Variants in GRIP2 observed in about 807,000 individuals in gnomAD.
GRIP2 encodes the protein glutamate receptor-interacting protein 2.
In GRIP2, 58 loss-of-function variants were observed where a neutral mutation model predicts 108.3. That is an observed-to-expected ratio of 0.54 (90% CI 0.43 to 0.67). GRIP2 has a LOEUF of 0.67. Among genes scored for constraint, GRIP2 ranks in the 30% least tolerant of loss-of-function variants. The pLI is 0.00. For synonymous variants in GRIP2, 586 were observed against 598.2 expected (o/e 0.98, Z 0.30); for missense variants, 1,278 against 1,430.6 (o/e 0.89, Z 1.72).
At chr3:14,541,778 G>A (rs1242075989), upstream of GRIP2, 1 of 837,334 alleles carries the variant, frequency 1.2e-6, no homozygotes, top group Admixed American at 2.4e-5. Context: ...TCAGCCACAG[G>A]GTGGGTGGTG....
the GRIP2 span, among the ~76,000 whole-genome samples, chr3:14,599,505 T>C: frequency 2.8e-3 from 418 of 151,954 alleles, 2 homozygotes; most frequent in African/African-American, 8.6e-3. Context: ...ATCTGAGGGA[T>C]TGGGGGCAAC....
intron 20 of GRIP2, chr3:14,503,967 CAG>C (rs1693844708): frequency 2.3e-6 from 1 of 431,926 alleles, no homozygotes; most frequent in Middle Eastern, 6.5e-4. Context: ...GGAAGAGAGA[CAG>C]AGGACAAACA....
chr3:14,554,593 C>T, intron 1 of GRIP2, among the ~76,000 whole-genome samples: 1 of 152,114 alleles, frequency 6.6e-6, no homozygotes, highest in African/African-American at 2.4e-5. Context: ...GGATGTCAGG[C>T]CACCAGCTGC....
In GRIP2 at chr3:14,512,682, C is replaced by T; in HGVS notation, c.1720+95G>A. ...CTTTTCCTCGGGCCCCGCAGGGTGT[C>T]ACGCCATGGAAATGCTGGTCTGAGC... On this transcript the variant is annotated intron_variant, in intron 14 of 23. Transcript: ENST00000621039. The surrounding 1 kb of genome is among the most constrained non-coding windows in gnomAD (Gnocchi z 5.1). The T allele has an allele frequency of 8.1e-7, 1 of 1,230,190 alleles. No homozygotes were observed. Among genetic ancestry groups the T allele is most frequent in the Non-Finnish European group, 1.2e-6 (1 of 858,436 alleles). The allele number at this position is 1,230,190 out of a possible 1,614,324, so 76.2% of individuals were successfully genotyped here. A position where few individuals can be genotyped will look rare whatever the true frequency, so the allele number is the denominator to read the frequency against.
Position 14,525,404 on chromosome 3 carries a change from C to A in GRIP2, c.257+33G>T, listed in dbSNP as rs376575865. On this transcript the variant is annotated intron_variant, in intron 3 of 23. Coordinates refer to ENST00000621039, the MANE Select transcript of GRIP2 (RefSeq NM_001080423.4). ...GGCTCCCATCATTGCCTCTGCACCC[C>A]CCTCCTGCGGCCGTGCCAAGCCCAC... is the stretch of plus-strand genomic sequence containing the variant. 4.2e-5 allele frequency: 67 copies of A among 1,606,442 alleles called. No homozygotes were observed. In the Middle Eastern group the frequency reaches 4.9e-4, roughly 12 times the overall value.
At chr3:14,571,179 T>C in the GRIP2 span, among the ~76,000 whole-genome samples, 1 of 152,110 alleles carries the variant, frequency 6.6e-6, no homozygotes, top group Non-Finnish European at 1.5e-5. Flanking sequence ...TGAGAGAACG[T>C]GTCTAGGAGA....
chr3:14,585,705 A>G, the GRIP2 span, among the ~76,000 whole-genome samples: 1 of 151,796 alleles, frequency 6.6e-6, no homozygotes, highest in Admixed American at 6.6e-5. Context: ...GAATATACAC[A>G]GCTAGCTCAA....
chr3:14,600,938 C>T, the GRIP2 span, among the ~76,000 whole-genome samples: 1 of 152,096 alleles, frequency 6.6e-6, no homozygotes, highest in Non-Finnish European at 1.5e-5. Context: ...TGGGCAAAGC[C>T]ATTGTTGGTG....
rs146643514 is a variant in GRIP2, at chr3:14,495,617, G to A, written c.2824-628C>T. Among the ~76,000 whole-genome samples the A allele has an allele frequency of 5.5e-3, 842 of 152,192 alleles. 9 individuals are homozygous for A. The highest frequency in any genetic ancestry group is 0.019 in the African/African-American group (769 of 41,524). The stretch of plus-strand genomic sequence containing the variant: ...AGGCAGGGTTTCACCATGTTGGCCA[G>A]GATAGTTTTGATCTCTTGACCTCGT... On this transcript the variant is annotated intron_variant, in intron 22 of 23. Transcript: ENST00000621039.
chr3:14,545,452 G>A (rs903389929), upstream of GRIP2, among the ~76,000 whole-genome samples: 6 of 152,212 alleles, frequency 3.9e-5, no homozygotes, highest in African/African-American at 7.2e-5. Flanking sequence ...GCCAGCCAGC[G>A]ACAAACACAT....
At chr3:14,539,168 C>T (rs1041953154) in intron 1 of GRIP2, among the ~76,000 whole-genome samples, 2 of 152,202 alleles carry the variant, frequency 1.3e-5, no homozygotes, top group Non-Finnish European at 2.9e-5. Context: ...GTTTCCCCAA[C>T]TGCAAAATGG....
rs549332093 is a variant in GRIP2 at position 14,492,114 on chromosome 3, G to C, written c.*1551C>G. 2.6e-5 allele frequency: 4 copies of C among 152,414 alleles called. No individual in the cohort carries two copies. Among genetic ancestry groups the C allele is most frequent in the Non-Finnish European group, 5.9e-5 (4 of 68,186 alleles). 9.4% of individuals were successfully genotyped at this position (152,414 alleles called of 1,614,324 possible). Reference sequence around the variant, plus strand: ...GGTTCCGGCCCTGACCAGGAGGCCTGTGTCTGCTCAGACTGTCCACCCGTG... The same window carrying C: ...GGTTCCGGCCCTGACCAGGAGGCCTCTGTCTGCTCAGACTGTCCACCCGTG... On this transcript the variant is annotated 3_prime_UTR_variant, in exon 24 of 24. Transcript: ENST00000621039.
chr3:14,510,132 C>T (rs145220292), intron 16 of GRIP2, among the ~76,000 whole-genome samples, 168 bp from the exon 17 acceptor site: 1 of 152,284 alleles, frequency 6.6e-6, no homozygotes, highest in East Asian at 1.9e-4. Context: ...ATCTTCTGCC[C>T]AAATACCAGT....
In GRIP2 at chr3:14,505,896, T is replaced by C. The variant is rs2124867908; in HGVS notation, c.2399-107A>G. On this transcript the variant is annotated intron_variant, in intron 19 of 23. Transcript: ENST00000621039. This position sits in a 1 kb window ranked among gnomAD's most constrained non-coding sequence, Gnocchi z 4.2. Reference sequence around the variant, plus strand: ...GACCCTGGGGAGGTCGTTGCTCCTCTCTGGGCCTGCATCTACACAGCCCTC... The same window carrying C: ...GACCCTGGGGAGGTCGTTGCTCCTCCCTGGGCCTGCATCTACACAGCCCTC... 9.8e-7 allele frequency: 1 copy of C among 1,024,644 alleles called. No homozygotes were observed. Among genetic ancestry groups the C allele is most frequent in the Non-Finnish European group, 1.4e-6 (1 of 736,296 alleles). 63.5% of individuals were successfully genotyped at this position (1,024,644 alleles called of 1,614,324 possible). A position where few individuals can be genotyped will look rare whatever the true frequency, so the allele number is the denominator to read the frequency against.
At chr3:14,538,528 T>C (rs1424423588) in intron 1 of GRIP2, among the ~76,000 whole-genome samples, 1 of 152,238 alleles carries the variant, frequency 6.6e-6, no homozygotes, top group Non-Finnish European at 1.5e-5. Flanking sequence ...AGAGTCCTAA[T>C]GATGTTAATT....
intron 5 of GRIP2, 77 bp from the exon 6 acceptor site, chr3:14,523,152 C>A: frequency 1.9e-6 from 2 of 1,062,266 alleles, no homozygotes; most frequent in Non-Finnish European, 2.8e-6. Context: ...AGCCCCTGAG[C>A]AGGCTCCTTC....
intron 1 of GRIP2, among the ~76,000 whole-genome samples, chr3:14,554,884 G>A (rs985100055): frequency 6.6e-6 from 1 of 152,198 alleles, no homozygotes; most frequent in African/African-American, 2.4e-5. Flanking sequence ...TGAATGTACT[G>A]CTTGGCACAG....
intron 1 of GRIP2, among the ~76,000 whole-genome samples, chr3:14,550,366 G>A (rs1433050822): frequency 6.6e-6 from 1 of 152,226 alleles, no homozygotes; most frequent in Non-Finnish European, 1.5e-5. Context: ...GCCTCATCTA[G>A]GGCTCCAAGC....
At chr3:14,592,898 C>G in the GRIP2 span, among the ~76,000 whole-genome samples, 2 of 152,008 alleles carry the variant, frequency 1.3e-5, no homozygotes, top group Non-Finnish European at 2.9e-5. Flanking sequence ...TCTTCCCAGA[C>G]CAAGGACTTG....
Sources: gnomAD v4.1 joint callset for allele counts (sites outside exome capture counted in the v4.1 genomes callset) on GRCh38, gnomAD v4.1.1 for gene constraint, Gnocchi (gnomAD v3.1) non-coding constraint, MANE v1.5 for transcripts, NCBI Gene and HGNC (gene_info 2026-07-23, HGNC 2026-07-21) for gene names.